ACRBP: variants seen among roughly 807,000 people sequenced by gnomAD.
The protein encoded by ACRBP is acrosin binding protein, also known as acrosin-binding protein.
In ACRBP, 52 loss-of-function variants were observed where a neutral mutation model predicts 69.0. The ratio of observed to expected loss-of-function variants is 0.75; its 90% confidence interval spans 0.60 to 0.95. ACRBP has a LOEUF of 0.95. Among genes scored for constraint, ACRBP ranks in the 40% least tolerant of loss-of-function variants. ACRBP has a pLI of 0.00. For missense variants in ACRBP, 604 were observed against 673.0 expected (o/e 0.90, Z 1.13); for synonymous variants, 267 against 258.9 (o/e 1.03, Z -0.30).
At chr12:6,645,410 C>T in intron 3 of ACRBP, 73 bp from the exon 4 acceptor site, 4 of 1,150,008 alleles carry the variant, frequency 3.5e-6, no homozygotes. Flanking sequence ...TTCTTCAACC[C>T]CTTTTCCAGC....
rs951200138 is a variant in ACRBP, at chr12:6,644,119, A to T, written c.944+18T>A. 1.9e-6 allele frequency: 3 copies of T among 1,549,908 alleles called. No individual in the cohort carries two copies. In the Admixed American group the frequency reaches 5.9e-5, roughly 30 times the overall value. ...GAAGGGAGGGCAGGGTGGATGACAG[A>T]GTCAAAACTTCCTATACCTGCCAGG... On this transcript the variant is annotated intron_variant, in intron 5 of 9. Coordinates refer to ENST00000229243, the MANE Select transcript of ACRBP (RefSeq NM_032489.3).
At position 6,638,227 on chromosome 12, in the gene ACRBP, AAC is replaced by A; in HGVS notation, c.*53_*54del. 6.2e-7 allele frequency: 1 copy of A among 1,602,484 alleles called. No individual in the cohort carries two copies. On this transcript the variant is annotated 3_prime_UTR_variant, in exon 10 of 10. Coordinates refer to ENST00000229243, the MANE Select transcript of ACRBP (RefSeq NM_032489.3). ...CAGCCTGAAAGCAATGGGGTCTCAA[AAC>A]AATAGAGAACGTGGGCAGGTTGGGC...
In ACRBP at chr12:6,640,324, G is replaced by C; in HGVS notation, c.1257+19C>G. The C allele has an allele frequency of 3.1e-6, 5 of 1,613,774 alleles. No homozygotes were observed. In the South Asian group the frequency reaches 5.5e-5, roughly 18 times the overall value. On this transcript the variant is annotated intron_variant, in intron 7 of 9. Transcript: ENST00000229243. The surrounding 1 kb of genome is among the most constrained non-coding windows in gnomAD (Gnocchi z 5.3). Reference sequence around the variant, plus strand: ...CACCCAGTTCTGCCTTTCCCACTGCGGGCTGCCGGGCTAGATACCTGGTTG... The same window carrying C: ...CACCCAGTTCTGCCTTTCCCACTGCCGGCTGCCGGGCTAGATACCTGGTTG...
intron 5 of ACRBP, 107 bp from the exon 6 acceptor site, chr12:6,643,778 C>T: frequency 6.8e-7 from 1 of 1,475,898 alleles, no homozygotes; most frequent in Admixed American, 2.0e-5. Flanking sequence ...CACACACATT[C>T]AGCATGCTTA....
chr12:6,646,978 C>G lies in ACRBP; in HGVS notation c.78G>C (p.Gln26His). 1 of 1,612,276 alleles carries G rather than the reference C, an allele frequency of 6.2e-7. No individual in the cohort carries two copies. The highest frequency in any genetic ancestry group is 8.5e-7 in the Non-Finnish European group (1 of 1,179,904). The change falls in exon 2 of 10, where the codon CAG (glutamine) becomes CAC (histidine). Residue 26 changes from glutamine (Q) to histidine (H), a missense_variant. Physicochemically the swap from Gln to His is conservative, Grantham distance 24 (BLOSUM62 0). Transcript: ENST00000229243. ...CTGGAGTGGAGGCCTGAGTCGAATCCTGGGCTGCGGCAGGTGCCAGAGGCA... is the reference window on the plus strand; with the variant it reads ...CTGGAGTGGAGGCCTGAGTCGAATCGTGGGCTGCGGCAGGTGCCAGAGGCA... Reference protein sequence around the residue: ...LLLPLAPAAAQDSTQASTPGS... With the variant: ...LLLPLAPAAAHDSTQASTPGS...
At position 6,644,243 on chromosome 12, in the gene ACRBP, T is replaced by C. The variant is rs373318820; in HGVS notation, c.838A>G (p.Met280Val). ...PRVREVESTPMIMENIQELIR... is the reference protein window; with the variant it reads ...PRVREVESTPVIMENIQELIR... ...AGCTCCTGGATGTTCTCCATTATCA[T>C]AGGAGTAGACTCTACTTCTCGTACC... Residue 280 changes from methionine to valine, a missense_variant, in exon 5 of 10, where the codon ATG becomes GTG. Transcript: ENST00000229243. The C allele has an allele frequency of 1.9e-6, 3 of 1,613,984 alleles. No individual in the cohort carries two copies. The highest frequency in any genetic ancestry group is 1.7e-5 in the Admixed American group (1 of 59,982).
intron 6 of ACRBP, 135 bp downstream of exon 6, chr12:6,643,404 G>T: frequency 1.6e-6 from 2 of 1,235,324 alleles, no homozygotes; most frequent in Non-Finnish European, 2.2e-6. Context: ...TAAGAAAAGA[G>T]TCCCACTTGG....
At chr12:6,644,012 G>C in intron 5 of ACRBP, 125 bp downstream of exon 5, 1 of 1,471,692 alleles carries the variant, frequency 6.8e-7, no homozygotes, top group Non-Finnish European at 9.0e-7. Flanking sequence ...GCAGTTGCTA[G>C]CTGTGCCTGA....
At position 6,643,596 on chromosome 12, in the gene ACRBP, G is replaced by C; in HGVS notation, c.1020C>G (p.Thr340=). 6.2e-7 allele frequency: 1 copy of C among 1,614,212 alleles called. No individual in the cohort carries two copies. Among genetic ancestry groups the C allele is most frequent in the Non-Finnish European group, 8.5e-7 (1 of 1,180,046 alleles). Residue 340 remains threonine, a synonymous_variant, in exon 6 of 10, where the codon ACC becomes ACG. Transcript: ENST00000229243. Reference sequence around the variant, plus strand: ...TGTACTTCCAGGCCTTGGCTGTGGGGGTTATGATGCAGGTATTCTCCACGA... The same window carrying C: ...TGTACTTCCAGGCCTTGGCTGTGGGCGTTATGATGCAGGTATTCTCCACGA... The part of the protein sequence containing the change: ...YSIVENTCII[T]PTAKAWKYME...
At position 6,644,508 on chromosome 12, in the gene ACRBP, T is replaced by G. The variant is rs1949074670; in HGVS notation, c.573A>C (p.Gln191His). ...QSSLSLGGQE[Q>H]APEHKQEQGV... is the part of the protein sequence containing the mutation. ...CTTGCTCCTGCTTGTGCTCTGGCGC[T>G]TGCTCCTGGCCTCCCAGGGACAAGG... The change falls in exon 5 of 10, where the codon CAA becomes CAC. Residue 191 changes from glutamine (Q) to histidine (H), a missense_variant. This residue lies in a region of ACRBP where 532 missense variants were observed against 562.9 expected (regional missense o/e 0.95). Coordinates refer to ENST00000229243, the MANE Select transcript of ACRBP (RefSeq NM_032489.3). The G allele has an allele frequency of 1.2e-6, 2 of 1,614,076 alleles. No homozygotes were observed.
In ACRBP at chr12:6,640,284, C is replaced by A; in HGVS notation, c.1258-57G>T. The stretch of plus-strand genomic sequence containing the variant: ...GCCCCTCCCCACCTGCTGGCCACCA[C>A]CACCCCACCCCTGCCACCCAGTTCT... On this transcript the variant is annotated intron_variant, in intron 7 of 9. Coordinates refer to ENST00000229243, the MANE Select transcript of ACRBP (RefSeq NM_032489.3). The surrounding 1 kb of genome is among the most constrained non-coding windows in gnomAD (Gnocchi z 5.3). 1 of 1,612,204 alleles carries A rather than the reference C, an allele frequency of 6.2e-7. No individual in the cohort carries two copies. The highest frequency in any genetic ancestry group is 8.5e-7 in the Non-Finnish European group (1 of 1,178,644).
Position 6,646,856 on chromosome 12 carries a change from C to A in ACRBP, c.200G>T (p.Gly67Val). Residue 67 changes from glycine (G) to valine (V), a missense_variant, in exon 2 of 10, where the codon GGC becomes GTC. By Grantham distance (109) the Gly-to-Val change is moderately radical. Transcript: ENST00000229243. Reference sequence around the variant, plus strand: ...CTGGACGAGTGTGGGATTCCGGCAGCCGTGGGTTGCACGGAGACGGCAGGT... The same window carrying A: ...CTGGACGAGTGTGGGATTCCGGCAGACGTGGGTTGCACGGAGACGGCAGGT... ...ETTCRLRATH[G>V]CRNPTLVQLD... 6.2e-7 allele frequency: 1 copy of A among 1,614,140 alleles called. No individual in the cohort carries two copies. Among genetic ancestry groups the A allele is most frequent in the Non-Finnish European group, 8.5e-7 (1 of 1,180,024 alleles).
intron 8 of ACRBP, among the ~76,000 whole-genome samples, chr12:6,639,632 T>G (rs1227215676): frequency 6.6e-6 from 1 of 152,262 alleles, no homozygotes; most frequent in East Asian, 1.9e-4. Flanking sequence ...CCAAGTTGAT[T>G]TAATTGAGCA....
Position 6,640,564 on chromosome 12 carries a change from G to C in ACRBP, c.1078-42C>G. ...GGTGAGGCTGAAGCTGAGAGTCAGC[G>C]GCCTGCCTTCTCCCATGCCTCAGCC... On this transcript the variant is annotated intron_variant, in intron 6 of 9. Coordinates refer to ENST00000229243, the MANE Select transcript of ACRBP (RefSeq NM_032489.3). The surrounding 1 kb of genome is among the most constrained non-coding windows in gnomAD (Gnocchi z 5.3). 6.3e-7 allele frequency: 1 copy of C among 1,590,558 alleles called. No individual in the cohort carries two copies. The highest frequency in any genetic ancestry group is 1.1e-5 in the South Asian group (1 of 89,110).
intron 6 of ACRBP, among the ~76,000 whole-genome samples, chr12:6,641,187 G>A (rs1030406753): frequency 8.5e-5 from 13 of 152,210 alleles, no homozygotes; most frequent in Admixed American, 3.9e-4. Flanking sequence ...AAACCTCCAA[G>A]TTCTTGGAAG....
At chr12:6,646,415 A>G (rs1592309130) in intron 3 of ACRBP, 68 bp downstream of exon 3, 2 of 1,441,258 alleles carry the variant, frequency 1.4e-6, no homozygotes, top group Admixed American at 1.7e-5. Context: ...CCCTTCCTCA[A>G]CTCCCCACTG....
chr12:6,638,116 C>T lies in ACRBP; in HGVS notation c.*166G>A, dbSNP rs575755465. 35 of 890,522 alleles carry T rather than the reference C, an allele frequency of 3.9e-5. No individual in the cohort carries two copies. The highest frequency in any genetic ancestry group is 1.3e-4 in the East Asian group (5 of 39,440). 55.2% of individuals were successfully genotyped at this position (890,522 alleles called of 1,614,324 possible). A position where few individuals can be genotyped will look rare whatever the true frequency, so the allele number is the denominator to read the frequency against. ...ATGTAAAGTCATCTTTTAAGGAGGG[C>T]GCAGCTCCCACCGTGGCCCTCTCTG... On this transcript the variant is annotated 3_prime_UTR_variant, in exon 10 of 10. Coordinates refer to ENST00000229243, the MANE Select transcript of ACRBP (RefSeq NM_032489.3).
Position 6,638,246 on chromosome 12 carries a change from A to T in ACRBP, c.*36T>A, listed in dbSNP as rs767314803. ...TCTCAAAACAATAGAGAACGTGGGC[A>T]GGTTGGGCTGGGGTGTGGGCAGAAT... On this transcript the variant is annotated 3_prime_UTR_variant, in exon 10 of 10. Coordinates refer to ENST00000229243, the MANE Select transcript of ACRBP (RefSeq NM_032489.3). 2 of 1,608,250 alleles carry T rather than the reference A, an allele frequency of 1.2e-6. No individual in the cohort carries two copies. Among genetic ancestry groups the T allele is most frequent in the East Asian group, 4.5e-5 (2 of 44,712 alleles).
At chr12:6,638,869 C>T (rs12826388) in intron 9 of ACRBP, 85 bp downstream of exon 9, 135,887 of 1,591,192 alleles carry the variant, frequency 0.085, 6,480 homozygotes, top group Middle Eastern at 0.13. Flanking sequence ...CCTAGCTGCT[C>T]GCAGAGGGGG....
Sources: gnomAD v4.1 joint callset for allele counts (sites outside exome capture counted in the v4.1 genomes callset) on GRCh38, gnomAD v4.1.1 for gene constraint, gnomAD v4.1.1 regional missense constraint, Gnocchi (gnomAD v3.1) non-coding constraint, MANE v1.5 for transcripts, NCBI Gene and HGNC (gene_info 2026-07-23, HGNC 2026-07-21) for gene names.